The following PCDHA4 variants were observed in gnomAD, a reference collection of about 807,000 sequenced individuals.
PCDHA4 encodes the protein protocadherin alpha 4, also known as protocadherin alpha-4.
PCDHA4 carries 49 observed loss-of-function variants against 61.4 expected under a neutral mutation model. That is an observed-to-expected ratio of 0.80 (90% CI 0.63 to 1.01). The LOEUF (loss-of-function observed/expected upper bound fraction) is 1.01, where lower values mean the gene tolerates loss of function less well. Ranked by LOEUF, PCDHA4 falls within the 50% of genes least tolerant of loss-of-function variation. PCDHA4 has a pLI of 0.00. For missense variants in PCDHA4, 1,254 were observed against 1,235.8 expected (o/e 1.01, Z -0.22); for synonymous variants, 590 against 550.3 (o/e 1.07, Z -1.01).
At chr5:140,817,799 C>T (rs2150099145) in intron 1 of PCDHA4, among the ~76,000 whole-genome samples, 76 of 152,158 alleles carry the variant, frequency 5.0e-4, no homozygotes, top group African/African-American at 1.7e-3. Context: ...GTAAAGAAAC[C>T]TTTACGTTTT....
intron 1 of PCDHA4, chr5:140,877,029 G>A (rs782501659): frequency 4.7e-5 from 75 of 1,612,228 alleles, no homozygotes; most frequent in Middle Eastern, 2.0e-4. Context: ...AGGTGTACGC[G>A]CTGCAGCCGC....
At chr5:140,915,105 C>T (rs1554196760) in intron 1 of PCDHA4, among the ~76,000 whole-genome samples, 1 of 152,020 alleles carries the variant, frequency 6.6e-6, no homozygotes, top group East Asian at 1.9e-4. Flanking sequence ...ACCACCACAA[C>T]ACCCACCTAA....
intron 3 of PCDHA4, among the ~76,000 whole-genome samples, chr5:141,000,248 C>T (rs1027764843): frequency 2.6e-5 from 4 of 151,280 alleles, no homozygotes; most frequent in Non-Finnish European, 4.4e-5. Context: ...GTGGCTGACA[C>T]CTGTGATCCT....
At chr5:140,882,732 A>C in intron 1 of PCDHA4, 1 of 1,614,228 alleles carries the variant, frequency 6.2e-7, no homozygotes, top group Non-Finnish European at 8.5e-7. Context: ...TTTCCACTAG[A>C]TGGCGCATCC....
Position 140,809,053 on chromosome 5 carries a change from C to A in PCDHA4, c.1866C>A (p.Phe622Leu), listed in dbSNP as rs1307759029. 2.9e-5 allele frequency: 47 copies of A among 1,613,756 alleles called. No individual in the cohort carries two copies. Among genetic ancestry groups the A allele is most frequent in the Non-Finnish European group, 3.8e-5 (45 of 1,179,898 alleles). The change falls in exon 1 of 4, where the codon TTC becomes TTA. Residue 622 changes from phenylalanine (F) to leucine (L), a missense_variant. Phe to Leu is a conservative substitution (Grantham distance 22). Coordinates refer to ENST00000530339, the MANE Select transcript of PCDHA4 (RefSeq NM_018907.4). ...GGACTGGTGGCGCGCGCATCCCGTT[C>A]CGCGTGGGGCTGTACACTGGCGAGA... ...QPGTGGARIP[F>L]RVGLYTGEIS...
intron 1 of PCDHA4, chr5:140,825,965 G>A (rs1173825503): frequency 6.6e-6 from 1 of 152,292 alleles, no homozygotes; most frequent in African/African-American, 2.4e-5. Context: ...CTACTCTTTT[G>A]AGGGGAAAAG....
rs1421975943 is a variant in PCDHA4 at position 140,853,700 on chromosome 5, G to A, written c.2385+44128G>A. 8.1e-6 allele frequency: 8 copies of A among 987,678 alleles called. 1 individual carries two copies. Among genetic ancestry groups the A allele is most frequent in the Admixed American group, 6.3e-5 (1 of 15,866 alleles). The allele number at this position is 987,678 out of a possible 1,614,324, so 61.2% of individuals were successfully genotyped here. The stretch of plus-strand genomic sequence containing the variant: ...TCAACCTATCCTTAGACCTGCTAAC[G>A]CATTAGCATTAGCAGCACCTAAGTC... On this transcript the variant is annotated intron_variant, in intron 1 of 3. Coordinates refer to ENST00000530339, the MANE Select transcript of PCDHA4 (RefSeq NM_018907.4).
intron 1 of PCDHA4, chr5:140,865,048 T>A (rs2048709545): frequency 1.3e-5 from 2 of 152,178 alleles, no homozygotes; most frequent in Admixed American, 1.3e-4. Flanking sequence ...AAAAATGTCA[T>A]TGTTTTTAAT....
intron 3 of PCDHA4, among the ~76,000 whole-genome samples, chr5:140,991,357 T>G (rs1409351374): frequency 2.6e-5 from 4 of 152,258 alleles, no homozygotes; most frequent in African/African-American, 9.6e-5. Flanking sequence ...AAAGACTATT[T>G]ACTGTCTGAG....
chr5:140,850,103 C>A lies in PCDHA4; in HGVS notation c.2385+40531C>A, dbSNP rs2150467019. On this transcript the variant is annotated intron_variant, in intron 1 of 3. Transcript: ENST00000530339. Reference sequence around the variant, plus strand: ...TGGAGCTGCTACAGTTCCAGGTGAGCGCGCGCGACGCGGGCGTGCCGCCTC... The same window carrying A: ...TGGAGCTGCTACAGTTCCAGGTGAGAGCGCGCGACGCGGGCGTGCCGCCTC... The A allele has an allele frequency of 1.7e-5, 27 of 1,595,988 alleles. 3 individuals are homozygous for A. The highest frequency in any genetic ancestry group is 2.2e-5 in the East Asian group (1 of 44,852).
At chr5:140,988,366 G>A (rs1384658783) in intron 3 of PCDHA4, among the ~76,000 whole-genome samples, 2 of 152,122 alleles carry the variant, frequency 1.3e-5, no homozygotes, top group Non-Finnish European at 2.9e-5. Flanking sequence ...TTACTTTCTG[G>A]GGTTGTGAAA....
At chr5:140,914,263 G>T (rs950921953) in intron 1 of PCDHA4, among the ~76,000 whole-genome samples, 2 of 151,932 alleles carry the variant, frequency 1.3e-5, no homozygotes, top group South Asian at 2.1e-4. Flanking sequence ...TTCAATGGTG[G>T]GTGCATATAT....
In PCDHA4 at chr5:140,953,934, C is replaced by T. The variant is rs2094953906; in HGVS notation, c.2386-25015C>T. 2.6e-5 allele frequency among the ~76,000 whole-genome samples: 4 copies of T among 152,200 alleles called. No homozygotes were observed. The South Asian group carries it at 8.3e-4, about 32-fold the overall frequency. On this transcript the variant is annotated intron_variant, in intron 1 of 3. Transcript: ENST00000530339. ...TTAGGTATTCTTCCTGATGCTCTCC[C>T]TCCCATTGCTCCCCCAACAGGCCCC...
Position 140,829,037 on chromosome 5 carries a change from T to C in PCDHA4, c.2385+19465T>C, listed in dbSNP as rs2150162033. ...TTTGGATTTTGAACAAGAAAACTTA[T>C]ACAAAATCCTCATTGACGCCACGGA... On this transcript the variant is annotated intron_variant, in intron 1 of 3. Coordinates refer to ENST00000530339, the MANE Select transcript of PCDHA4 (RefSeq NM_018907.4). 9.3e-6 allele frequency: 15 copies of C among 1,613,076 alleles called. No homozygotes were observed. Among genetic ancestry groups the C allele is most frequent in the Non-Finnish European group, 1.0e-5 (12 of 1,179,162 alleles).
At chr5:140,997,668 T>TTA (rs2097778675) in intron 3 of PCDHA4, among the ~76,000 whole-genome samples, 1 of 148,244 alleles carries the variant, frequency 6.7e-6, no homozygotes, top group African/African-American at 2.5e-5. Flanking sequence ...ATTATACAGC[T>TTA]TGTGTGTGTG....
At chr5:140,968,165 C>T in intron 1 of PCDHA4, 6 of 1,614,120 alleles carry the variant, frequency 3.7e-6, no homozygotes, top group African/African-American at 1.3e-5. Flanking sequence ...TGACAATCCA[C>T]CAAGCTTCCT....
intron 1 of PCDHA4, chr5:140,967,577 C>G (rs141338011): frequency 1.2e-6 from 2 of 1,614,016 alleles, no homozygotes; most frequent in Non-Finnish European, 1.7e-6. Flanking sequence ...GGAGGACTCA[C>G]CCCCAGGCAC....
chr5:141,008,871 C>T (rs1249220900), intron 3 of PCDHA4, among the ~76,000 whole-genome samples: 2 of 152,168 alleles, frequency 1.3e-5, no homozygotes, highest in African/African-American at 4.8e-5. Context: ...TGCTGCATCC[C>T]ACCACCCTTC....
intron 1 of PCDHA4, chr5:140,969,419 T>C: frequency 6.4e-7 from 1 of 1,563,564 alleles, no homozygotes; most frequent in Non-Finnish European, 8.7e-7. Flanking sequence ...ATTGAGTCAT[T>C]AACAGTGACA....
Sources: gnomAD v4.1 joint callset for allele counts (sites outside exome capture counted in the v4.1 genomes callset) on GRCh38, gnomAD v4.1.1 for gene constraint, MANE v1.5 for transcripts, NCBI Gene and HGNC (gene_info 2026-07-23, HGNC 2026-07-21) for gene names.